Variants in PITPNM3 observed in about 807,000 individuals in gnomAD.
The protein encoded by PITPNM3 is membrane-associated phosphatidylinositol transfer protein 3.
PITPNM3 carries 26 observed loss-of-function variants against 102.0 expected under a neutral mutation model. The observed-to-expected ratio is 0.25, with a 90% CI of 0.19 to 0.35. PITPNM3 has a LOEUF of 0.35. Among genes scored for constraint, PITPNM3 ranks in the 10% least tolerant of loss-of-function variants. PITPNM3 has a pLI of 1.00. For missense variants in PITPNM3, 1,083 were observed against 1,346.1 expected, an observed-to-expected ratio of 0.80 and a Z score of 3.06; for synonymous variants, 578 against 558.6, an observed-to-expected ratio of 1.03 and a Z score of -0.49.
chr17:6,487,739 C>T (rs1171020638), intron 4 of PITPNM3, among the ~76,000 whole-genome samples: 2 of 152,206 alleles, frequency 1.3e-5, no homozygotes, highest in Non-Finnish European at 2.9e-5. Context: ...TTTGATCTGT[C>T]TGGAGCCAGC....
rs1234583531 is a variant in PITPNM3 at position 6,472,583 on chromosome 17, G to A, written c.1429+74C>T. ...TCAGGTGAGTCACCCTACTCACTGA[G>A]AGCTTGGAGGGGTTGAATGGGCTGG... On this transcript the variant is annotated intron_variant, in intron 11 of 19. Transcript: ENST00000262483. The surrounding 1 kb of genome is among the most constrained non-coding windows in gnomAD (Gnocchi z 4.1). 16 of 1,532,748 alleles carry A rather than the reference G, an allele frequency of 1.0e-5. No individual in the cohort carries two copies. Among genetic ancestry groups the A allele is most frequent in the African/African-American group, 1.4e-5 (1 of 72,804 alleles). 94.9% of individuals were successfully genotyped at this position (1,532,748 alleles called of 1,614,324 possible). A position where few individuals can be genotyped will look rare whatever the true frequency, so the allele number is the denominator to read the frequency against.
At chr17:6,495,964 A>AG (rs1906784744) in intron 4 of PITPNM3, among the ~76,000 whole-genome samples, 2 of 152,090 alleles carry the variant, frequency 1.3e-5, no homozygotes, top group African/African-American at 2.4e-5. Context: ...CCCTAGCTAC[A>AG]GGTTGGGTGT....
intron 2 of PITPNM3, among the ~76,000 whole-genome samples, chr17:6,529,310 C>G (rs1909012262): frequency 6.6e-6 from 1 of 152,130 alleles, no homozygotes; most frequent in Non-Finnish European, 1.5e-5. Flanking sequence ...ATCTCTTTGT[C>G]TTGGCCAGGC....
Position 6,531,565 on chromosome 17 carries a change from A to T in PITPNM3, c.119-6102T>A, listed in dbSNP as rs543045336. Among the ~76,000 whole-genome samples the T allele has an allele frequency of 4.6e-5, 7 of 152,354 alleles. No individual in the cohort carries two copies. The South Asian group carries it at 1.5e-3, about 32-fold the overall frequency. ...GTCCAGGCATGGTTCCATTTTGAGG[A>T]TCCATCCTGCACTACGGACTCTGAG... On this transcript the variant is annotated intron_variant, in intron 2 of 19. Transcript: ENST00000262483.
rs1457813337 is a variant in PITPNM3, at chr17:6,537,306, C to CAA, written c.118+680_118+681insTT. On this transcript the variant is annotated intron_variant, in intron 2 of 19. Coordinates refer to ENST00000262483, the MANE Select transcript of PITPNM3 (RefSeq NM_031220.4). The surrounding 1 kb of genome is among the most constrained non-coding windows in gnomAD (Gnocchi z 4.4). ...CAGAGTATCGCTCTGTCTGCAGTGCCATCTCGGCTCACTGCAACCTCTGCC... is the reference window on the plus strand; with the variant it reads ...CAGAGTATCGCTCTGTCTGCAGTGCCAAATCTCGGCTCACTGCAACCTCTGCC... Among the ~76,000 whole-genome samples the CAA allele has an allele frequency of 6.7e-6, 1 of 148,904 alleles. No individual in the cohort carries two copies. The highest frequency in any genetic ancestry group is 2.5e-5 in the African/African-American group (1 of 39,968).
chr17:6,544,197 A>G (rs555920917), intron 1 of PITPNM3, among the ~76,000 whole-genome samples: 2 of 152,214 alleles, frequency 1.3e-5, no homozygotes, highest in South Asian at 4.1e-4. Context: ...CAGCCTGCCA[A>G]TGCTGGATGG....
chr17:6,456,730 G>C (rs1914133429), intron 19 of PITPNM3, among the ~76,000 whole-genome samples: 1 of 152,116 alleles, frequency 6.6e-6, no homozygotes, highest in South Asian at 2.1e-4. Flanking sequence ...ACATGCCCCA[G>C]AGGGAGGTCA....
At chr17:6,552,931 T>A (rs894627384) in intron 1 of PITPNM3, among the ~76,000 whole-genome samples, 2 of 152,046 alleles carry the variant, frequency 1.3e-5, no homozygotes, top group Non-Finnish European at 2.9e-5. Context: ...CACGCCTGGC[T>A]AATTTTGTTT....
intron 3 of PITPNM3, among the ~76,000 whole-genome samples, chr17:6,514,974 T>G (rs1434938072): frequency 6.6e-6 from 1 of 152,196 alleles, no homozygotes; most frequent in African/African-American, 2.4e-5. Context: ...AACATTATGT[T>G]AAGGGAAAGT....
In PITPNM3 at chr17:6,455,565, G is replaced by A. The variant is rs1474418843; in HGVS notation, c.2698C>T (p.Arg900Cys). The change falls in exon 20 of 20, where the codon CGC (arginine) becomes TGC (cysteine). Residue 900 changes from arginine to cysteine, a missense_variant. Physicochemically the swap from Arg to Cys is radical, Grantham distance 180. Transcript: ENST00000262483. ...AAGCTGCCCTTGCGCAGGATCATGC[G>A]CGAGTTGTTCTTCTTTGGGCGTGAG... ...HRSRPKKNNSRMILRKGSFGL... is the reference protein window; with the variant it reads ...HRSRPKKNNSCMILRKGSFGL... 5.0e-6 allele frequency: 8 copies of A among 1,602,054 alleles called. No homozygotes were observed. Among genetic ancestry groups the A allele is most frequent in the Admixed American group, 1.7e-5 (1 of 59,848 alleles).
chr17:6,462,233 A>T (rs185735751), intron 17 of PITPNM3, among the ~76,000 whole-genome samples: 54 of 152,230 alleles, frequency 3.5e-4, no homozygotes, highest in Non-Finnish European at 6.6e-4. Flanking sequence ...CTTTATTATT[A>T]TCCTCCGCAG....
chr17:6,461,274 C>T (rs1904435785), intron 18 of PITPNM3, 99 bp downstream of exon 18: 4 of 1,414,132 alleles, frequency 2.8e-6, no homozygotes, highest in African/African-American at 1.4e-5. Flanking sequence ...ACAGACTGCA[C>T]ATCACAAGGC....
intron 2 of PITPNM3, among the ~76,000 whole-genome samples, chr17:6,528,538 A>AGT (rs34757772): frequency 0.33 from 50,692 of 151,580 alleles, 8,709 homozygotes; most frequent in Admixed American, 0.38. Flanking sequence ...TGTACATGCA[A>AGT]GTGAGTGTGT....
chr17:6,525,457 A>G lies in PITPNM3; in HGVS notation c.125T>C (p.Met42Thr), dbSNP rs1908776495. 1 of 1,613,962 alleles carries G rather than the reference A, an allele frequency of 6.2e-7. No homozygotes were observed. The highest frequency in any genetic ancestry group is 1.3e-5 in the African/African-American group (1 of 75,044). ...DDEFFDAREEMAEGKNAILIG... is the reference protein window; with the variant it reads ...DDEFFDAREETAEGKNAILIG... Reference sequence around the variant, plus strand: ...GAGGATGGCATTCTTCCCTTCAGCCATCTCCTCTGTGGGAAGAAGCAGCGG... The same window carrying G: ...GAGGATGGCATTCTTCCCTTCAGCCGTCTCCTCTGTGGGAAGAAGCAGCGG... The change falls in exon 3 of 20, where the codon ATG (methionine) becomes ACG (threonine). Residue 42 changes from methionine (M) to threonine (T), a missense_variant. By Grantham distance (81) the Met-to-Thr change is moderately conservative (BLOSUM62 -1). Around this residue, in one of 5 missense-constraint regions of PITPNM3, gnomAD observed 290 missense variants for 337.8 expected, o/e 0.86. Coordinates refer to ENST00000262483, the MANE Select transcript of PITPNM3 (RefSeq NM_031220.4).
rs201595655 is a variant in PITPNM3, at chr17:6,464,745, A to G, written c.1917T>C (p.Asn639=). The change falls in exon 15 of 20, where the codon AAT becomes AAC. Residue 639 remains asparagine, a synonymous_variant. Transcript: ENST00000262483. ...LRNVTANHRA[N]DVIAAEDGPQ... ...GGCCATCTTCAGCAGCAATCACATC[A>G]TTGGCCCGGTGATTAGCCGTGACAT... 183 of 1,614,098 alleles carry G rather than the reference A, an allele frequency of 1.1e-4. No homozygotes were observed. In the East Asian group the frequency reaches 3.9e-3, roughly 35 times the overall value.
chr17:6,535,039 G>A (rs1009343492), intron 2 of PITPNM3, among the ~76,000 whole-genome samples: 23 of 152,156 alleles, frequency 1.5e-4, no homozygotes, highest in Non-Finnish European at 2.8e-4. Flanking sequence ...TCTTTTGAGG[G>A]GCTCATGGGG....
intron 1 of PITPNM3, among the ~76,000 whole-genome samples, chr17:6,552,249 TG>T (rs1910350236): frequency 6.6e-6 from 1 of 152,156 alleles, no homozygotes; most frequent in Non-Finnish European, 1.5e-5. Flanking sequence ...TGCCCCAGCC[TG>T]AGAGGTGCCA....
chr17:6,492,125 G>A (rs371148693), intron 4 of PITPNM3, among the ~76,000 whole-genome samples: 15 of 149,290 alleles, frequency 1.0e-4, no homozygotes, highest in East Asian at 4.0e-4. Flanking sequence ...GTGCAGTGGC[G>A]CAATCTGGGC....
chr17:6,455,816 G>A (rs1329045891), intron 19 of PITPNM3, among the ~76,000 whole-genome samples, 173 bp from the exon 20 acceptor site: 1 of 127,650 alleles, frequency 7.8e-6, no homozygotes, highest in Non-Finnish European at 1.7e-5. Flanking sequence ...CGGAGGGGTG[G>A]GGCAGGCCCC....
Sources: gnomAD v4.1 joint callset for allele counts (sites outside exome capture counted in the v4.1 genomes callset) on GRCh38, gnomAD v4.1.1 for gene constraint, gnomAD v4.1.1 regional missense constraint, Gnocchi (gnomAD v3.1) non-coding constraint, MANE v1.5 for transcripts, NCBI Gene and HGNC (gene_info 2026-07-23, HGNC 2026-07-21) for gene names.